The following ANKFN1 variants were observed in gnomAD, a reference collection of about 807,000 sequenced individuals.
ANKFN1 encodes the protein ankyrin repeat and fibronectin type III domain containing 1, also known as ankyrin repeat and fibronectin type-III domain-containing protein 1.
In ANKFN1, 74 loss-of-function variants were observed where a neutral mutation model predicts 108.7. The ratio of observed to expected loss-of-function variants is 0.68; its 90% CI spans 0.56 to 0.83. ANKFN1 has a LOEUF of 0.83. Ranked by LOEUF, ANKFN1 falls within the 40% of genes least tolerant of loss-of-function variation. The probability of loss-of-function intolerance (pLI) is 0.00; values close to 1 mark genes in which losing one functional copy is unlikely to be tolerated. For missense variants in ANKFN1, 1,505 were observed against 1,382.3 expected (o/e 1.09, Z -1.41); for synonymous variants, 547 against 516.2 (o/e 1.06, Z -0.81).
At chr17:56,376,455 C>T (rs2046951131) in intron 8 of ANKFN1, among the ~76,000 whole-genome samples, 1 of 152,172 alleles carries the variant, frequency 6.6e-6, no homozygotes, top group African/African-American at 2.4e-5. Context: ...TTGGTTGTCT[C>T]ATCTGCCAAG....
chr17:56,170,386 G>A (rs1032164150), intron 1 of ANKFN1, among the ~76,000 whole-genome samples: 2 of 152,154 alleles, frequency 1.3e-5, no homozygotes, highest in Non-Finnish European at 2.9e-5. Flanking sequence ...GAGTCTGCAG[G>A]AGGCAGACAG....
chr17:56,242,505 C>T (rs1009620664), intron 3 of ANKFN1, among the ~76,000 whole-genome samples: 1 of 151,894 alleles, frequency 6.6e-6, no homozygotes, highest in African/African-American at 2.4e-5. Flanking sequence ...TCTAGGAATA[C>T]AATTGATTTT....
intron 10 of ANKFN1, among the ~76,000 whole-genome samples, chr17:56,447,985 T>C (rs7224952): frequency 0.75 from 114,662 of 152,138 alleles, 43,745 homozygotes; most frequent in East Asian, 0.97. Flanking sequence ...AATGCTTTTA[T>C]ATAACTTTAA....
intron 18 of ANKFN1, among the ~76,000 whole-genome samples, chr17:56,485,407 T>C (rs2050823453): frequency 6.6e-6 from 1 of 152,148 alleles, no homozygotes; most frequent in Admixed American, 6.5e-5. Flanking sequence ...GCAAAGGCCT[T>C]AGAGTAAGAG....
chr17:56,350,553 T>C (rs1373121825), intron 4 of ANKFN1, among the ~76,000 whole-genome samples: 1 of 152,142 alleles, frequency 6.6e-6, no homozygotes, highest in Admixed American at 6.5e-5. Flanking sequence ...CTGCCACCAA[T>C]TAGCTCTGTG....
intron 1 of ANKFN1, chr17:56,156,680 A>C (rs1005459293): frequency 2.0e-5 from 3 of 152,262 alleles, no homozygotes; most frequent in Non-Finnish European, 4.4e-5. Context: ...GCAGCTGGTT[A>C]AGGTCAGGGC....
intron 7 of ANKFN1, among the ~76,000 whole-genome samples, chr17:56,373,236 T>C (rs142317351): frequency 6.6e-6 from 1 of 152,248 alleles, no homozygotes; most frequent in Non-Finnish European, 1.5e-5. Flanking sequence ...CAAGTTTAAG[T>C]TGTTTTCAAC....
intron 4 of ANKFN1, among the ~76,000 whole-genome samples, chr17:56,340,543 G>A (rs1021575989): frequency 1.3e-5 from 2 of 152,020 alleles, no homozygotes; most frequent in African/African-American, 4.8e-5. Context: ...AGTTATCCCA[G>A]CACCATTTAT....
At chr17:56,221,082 G>A (rs1045273895) in intron 2 of ANKFN1, among the ~76,000 whole-genome samples, 16 of 152,178 alleles carry the variant, frequency 1.1e-4, no homozygotes, top group African/African-American at 3.6e-4. Flanking sequence ...GGCAGAAGGT[G>A]AAGGGGGAAG....
chr17:56,378,739 G>A (rs1490764412), intron 8 of ANKFN1, among the ~76,000 whole-genome samples: 1 of 152,198 alleles, frequency 6.6e-6, no homozygotes, highest in Non-Finnish European at 1.5e-5. Context: ...ATGAAACTTA[G>A]TGGATTAACA....
intron 3 of ANKFN1, among the ~76,000 whole-genome samples, chr17:56,260,424 G>A (rs1441837702): frequency 6.6e-6 from 1 of 151,822 alleles, no homozygotes; most frequent in South Asian, 2.1e-4. Flanking sequence ...GTGGGGCGGG[G>A]TAGGGGTGCT....
Position 56,304,036 on chromosome 17 carries a change from C to T in ANKFN1, c.54-22185C>T, listed in dbSNP as rs143112574. ...TTTACCCAGGTTCTTCTAGTGGTAACATCTTCCATCCAATGATAACAGTAC... is the reference window on the plus strand; with the variant it reads ...TTTACCCAGGTTCTTCTAGTGGTAATATCTTCCATCCAATGATAACAGTAC... On this transcript the variant is annotated intron_variant, in intron 3 of 20. Coordinates refer to ENST00000682825, the MANE Select transcript of ANKFN1 (RefSeq NM_001370326.1). 2.0e-5 allele frequency among the ~76,000 whole-genome samples: 3 copies of T among 152,054 alleles called. No individual in the cohort carries two copies. In the East Asian group the frequency reaches 5.8e-4, roughly 29 times the overall value.
Position 56,338,502 on chromosome 17 carries a change from C to T in ANKFN1, c.188+12147C>T, listed in dbSNP as rs185238941. On this transcript the variant is annotated intron_variant, in intron 4 of 20. Transcript: ENST00000682825. Reference sequence around the variant, plus strand: ...GATAGACTTCAACCTGTGGGTTTTTCAGTGAAAATGGCTAATAAGGAACGC... The same window carrying T: ...GATAGACTTCAACCTGTGGGTTTTTTAGTGAAAATGGCTAATAAGGAACGC... Among the ~76,000 whole-genome samples the T allele has an allele frequency of 1.6e-4, 25 of 152,120 alleles. 1 individual carries two copies. The highest frequency in any genetic ancestry group is 1.2e-3 in the Admixed American group (19 of 15,262).
In ANKFN1 at chr17:56,415,667, C is replaced by T. The variant is rs183864331; in HGVS notation, c.911-24660C>T. ...AAGCAATCTATAGATTCAATGCAATCCCTATCAAAATACCAATGACATTCT... is the reference window on the plus strand; with the variant it reads ...AAGCAATCTATAGATTCAATGCAATTCCTATCAAAATACCAATGACATTCT... On this transcript the variant is annotated intron_variant, in intron 8 of 20. Transcript: ENST00000682825. Among the ~76,000 whole-genome samples the T allele has an allele frequency of 4.0e-3, 603 of 152,100 alleles. 9 individuals carry two copies. The highest frequency in any genetic ancestry group is 0.014 in the African/African-American group (564 of 41,510).
rs541497973 is a variant in ANKFN1 at position 56,384,023 on chromosome 17, C to A, written c.910+9309C>A. 4.7e-3 allele frequency among the ~76,000 whole-genome samples: 641 copies of A among 137,096 alleles called. 1 individual carries two copies. The highest frequency in any genetic ancestry group is 6.7e-3 in the Non-Finnish European group (412 of 61,708). 89.9% of individuals were successfully genotyped at this position (137,096 alleles called of 152,430 possible). ...TACCAAAGCCGGGCAGAGACACAAC[C>A]AAAAAAGAGAATTTTAGACCAATAT... On this transcript the variant is annotated intron_variant, in intron 8 of 20. Transcript: ENST00000682825.
chr17:56,375,582 T>A (rs142219701), intron 8 of ANKFN1, among the ~76,000 whole-genome samples: 247 of 152,140 alleles, frequency 1.6e-3, no homozygotes, highest in African/African-American at 5.5e-3. Flanking sequence ...TTTGAAAGAT[T>A]GGAGTGGTGA....
At chr17:56,069,806 C>T (rs143373704) in intron 4 of ANKFN1, among the ~76,000 whole-genome samples, 2,181 of 152,256 alleles carry the variant, frequency 0.014, 28 homozygotes, top group South Asian at 0.039. Flanking sequence ...AGTAAAGGAA[C>T]AAAAGAATGG....
chr17:56,064,280 G>A (rs1481686134), intron 4 of ANKFN1, among the ~76,000 whole-genome samples: 1 of 152,200 alleles, frequency 6.6e-6, no homozygotes, highest in East Asian at 1.9e-4. Context: ...TGCTGTGCTG[G>A]GGGAAAACCC....
chr17:56,077,041 C>T (rs1410967568), intron 4 of ANKFN1, among the ~76,000 whole-genome samples: 1 of 152,170 alleles, frequency 6.6e-6, no homozygotes, highest in African/African-American at 2.4e-5. Flanking sequence ...TTTGATCTAA[C>T]ACTGAGTAGG....
Sources: gnomAD v4.1 joint callset for allele counts (sites outside exome capture counted in the v4.1 genomes callset) on GRCh38, gnomAD v4.1.1 for gene constraint, MANE v1.5 for transcripts, NCBI Gene and HGNC (gene_info 2026-07-23, HGNC 2026-07-21) for gene names.